Variants in SNX29 observed in about 807,000 individuals in gnomAD.
The protein encoded by SNX29 is sorting nexin 29.
Under a neutral mutation model 102.1 loss-of-function variants are expected in SNX29, and 78 were observed. The observed-to-expected ratio is 0.76, with a 90% CI of 0.64 to 0.92. The LOEUF (loss-of-function observed/expected upper bound fraction) is 0.92. SNX29 is among the 40% of genes least tolerant of loss of function. SNX29 has a pLI of 0.00. For synonymous variants in SNX29, 580 were observed against 414.5 expected (o/e 1.40, Z -4.85); for missense variants, 1,280 against 1,061.7 (o/e 1.21, Z -2.86).
intron 17 of SNX29, among the ~76,000 whole-genome samples, chr16:12,403,202 A>ATGTGTGTGTGTGTG (rs67193889): frequency 4.2e-5 from 3 of 70,944 alleles, no homozygotes; most frequent in Non-Finnish European, 8.8e-5. Context: ...TTGTGTGTGT[A>ATGTGTGTGTGTGTG]TGTGTGTGTG....
intron 20 of SNX29, among the ~76,000 whole-genome samples, chr16:12,535,351 G>C (rs768689866): frequency 1.3e-5 from 2 of 152,174 alleles, no homozygotes; most frequent in East Asian, 1.9e-4. Context: ...GGCCAGGCTG[G>C]TCTCGAACTC....
At chr16:12,303,337 C>CT (rs2080241026) in intron 15 of SNX29, among the ~76,000 whole-genome samples, 1 of 152,210 alleles carries the variant, frequency 6.6e-6, no homozygotes, top group Admixed American at 6.5e-5. Flanking sequence ...TTCCACACAA[C>CT]TTAGATATCC....
rs1011462470 is a variant in SNX29 at position 12,571,313 on chromosome 16, C to G, written c.*2684C>G. The stretch of plus-strand genomic sequence containing the variant: ...ATTCCACACCCTGGAAATGTGTCAA[C>G]TGCCTGTCAGCCTGGATTCAATTCT... On this transcript the variant is annotated 3_prime_UTR_variant, in exon 21 of 21. Transcript: ENST00000566228. 4.3e-6 allele frequency: 1 copy of G among 232,110 alleles called. No homozygotes were observed. The highest frequency in any genetic ancestry group is 2.2e-5 in the African/African-American group (1 of 45,278). The allele number at this position is 232,110 out of a possible 1,614,324, so 14.4% of individuals were successfully genotyped here. A position where few individuals can be genotyped will look rare whatever the true frequency, so the allele number is the denominator to read the frequency against.
intron 20 of SNX29, among the ~76,000 whole-genome samples, chr16:12,566,031 G>C (rs944628891): frequency 6.6e-6 from 1 of 152,174 alleles, no homozygotes; most frequent in African/African-American, 2.4e-5. Context: ...GGTGACACAG[G>C]TCATGTGTTT....
intron 11 of SNX29, chr16:12,087,726 A>G (rs555271250): frequency 4.9e-6 from 2 of 404,136 alleles, no homozygotes; most frequent in Admixed American, 2.7e-5. Flanking sequence ...TCCATTGTAC[A>G]GATGAGAAAG....
chr16:12,480,047 A>T (rs2087833656), intron 19 of SNX29, among the ~76,000 whole-genome samples: 2 of 152,102 alleles, frequency 1.3e-5, no homozygotes, highest in African/African-American at 4.8e-5. Flanking sequence ...GGATACAAAC[A>T]AGAGTTCAGT....
chr16:12,273,099 C>T (rs142598646), intron 14 of SNX29, among the ~76,000 whole-genome samples: 1 of 152,128 alleles, frequency 6.6e-6, no homozygotes, highest in African/African-American at 2.4e-5. Context: ...TAATTCAACT[C>T]CAAGTTCATC....
chr16:11,977,122 A>C, intron 1 of SNX29: 1 of 341,784 alleles, frequency 2.9e-6, no homozygotes, highest in Non-Finnish European at 5.3e-6. Context: ...CCAGACCCCC[A>C]GTTCTGAGAC....
intron 16 of SNX29, among the ~76,000 whole-genome samples, chr16:12,372,338 G>C (rs2082715681): frequency 6.6e-6 from 1 of 152,220 alleles, no homozygotes; most frequent in Admixed American, 6.5e-5. Context: ...GCTGTCAATA[G>C]TGAGTTTTGG....
At chr16:12,034,960 G>A (rs1010428656) in intron 4 of SNX29, among the ~76,000 whole-genome samples, 1 of 151,936 alleles carries the variant, frequency 6.6e-6, no homozygotes, top group African/African-American at 2.4e-5. Flanking sequence ...TCAGTGAGCC[G>A]AGACCGTGCC....
chr16:12,037,117 G>A (rs2057497561), intron 4 of SNX29, among the ~76,000 whole-genome samples: 1 of 152,064 alleles, frequency 6.6e-6, no homozygotes, highest in South Asian at 2.1e-4. Context: ...CTAGAACGGG[G>A]TCGGCACACT....
At chr16:12,455,299 T>C (rs1286801420) in intron 18 of SNX29, among the ~76,000 whole-genome samples, 1 of 152,214 alleles carries the variant, frequency 6.6e-6, no homozygotes, top group East Asian at 1.9e-4. Context: ...GTGGCCCTTT[T>C]GGCTGGGACT....
intron 15 of SNX29, among the ~76,000 whole-genome samples, chr16:12,314,138 C>T (rs893203672): frequency 8.5e-5 from 13 of 152,322 alleles, no homozygotes; most frequent in African/African-American, 2.6e-4. Flanking sequence ...CAGGTGCATG[C>T]CACCAGCAGG....
chr16:12,209,688 G>A (rs531419763), intron 14 of SNX29, among the ~76,000 whole-genome samples: 52 of 152,324 alleles, frequency 3.4e-4, no homozygotes, highest in African/African-American at 1.3e-3. Context: ...CTTAGGAGAC[G>A]TGAGACCAGC....
chr16:11,991,398 G>A (rs771372416), intron 1 of SNX29, among the ~76,000 whole-genome samples: 5 of 152,142 alleles, frequency 3.3e-5, no homozygotes, highest in South Asian at 4.1e-4. Flanking sequence ...GAGACTTGCC[G>A]TCTCATGAAG....
At chr16:12,129,892 C>T (rs901351271) in intron 13 of SNX29, 134 bp downstream of exon 13, 110 of 1,089,474 alleles carry the variant, frequency 1.0e-4, no homozygotes, top group Non-Finnish European at 1.3e-4. Flanking sequence ...ATCATAAGGT[C>T]AGGAGATCGA....
chr16:12,406,026 C>T lies in SNX29; in HGVS notation c.2037+2497C>T, dbSNP rs1014764308. 1.3e-4 allele frequency among the ~76,000 whole-genome samples: 19 copies of T among 150,320 alleles called. 1 individual carries two copies. In the South Asian group the frequency reaches 2.5e-3, roughly 20 times the overall value. On this transcript the variant is annotated intron_variant, in intron 18 of 20. Transcript: ENST00000566228. ...CAGACTGGGTGACAAGAATGAGACT[C>T]TGCCTCAAAAAAAGAAAACAAGTAT...
chr16:12,080,105 C>T (rs768780394), intron 11 of SNX29, among the ~76,000 whole-genome samples: 5 of 152,116 alleles, frequency 3.3e-5, no homozygotes, highest in Non-Finnish European at 5.9e-5. Flanking sequence ...GGTACAAAAA[C>T]GTTGAAGCTC....
At chr16:12,498,269 A>C (rs1015091583) in intron 19 of SNX29, among the ~76,000 whole-genome samples, 12 of 152,342 alleles carry the variant, frequency 7.9e-5, no homozygotes, top group African/African-American at 2.9e-4. Context: ...CACGTGGCAG[A>C]GCATGTGCAC....
Sources: allele counts gnomAD v4.1 joint callset (sites outside exome capture counted in the v4.1 genomes callset), GRCh38; gene constraint gnomAD v4.1.1; transcripts MANE v1.5; gene names NCBI Gene and HGNC (gene_info 2026-07-23, HGNC 2026-07-21).